Variants in CATSPERE observed in about 807,000 individuals in gnomAD.
CATSPERE encodes the protein cation channel sperm-associated auxiliary subunit epsilon.
CATSPERE carries 93 observed loss-of-function variants against 114.1 expected under a neutral mutation model. The ratio of observed to expected loss-of-function variants is 0.81; its 90% confidence interval spans 0.69 to 0.97. The LOEUF (loss-of-function observed/expected upper bound fraction) is 0.97. Ranked by LOEUF, CATSPERE falls within the 50% of genes least tolerant of loss-of-function variation. The pLI, the probability that CATSPERE is intolerant of heterozygous loss-of-function variation, is 0.00. For synonymous variants in CATSPERE, 341 were observed against 384.1 expected, an observed-to-expected ratio of 0.89 and a Z score of 1.31; for missense variants, 1,058 against 1,131.6, an observed-to-expected ratio of 0.93 and a Z score of 0.93.
In CATSPERE at chr1:244,633,061, A is replaced by G. The variant is rs76921591; in HGVS notation, c.2649-2428A>G. Among the ~76,000 whole-genome samples the G allele has an allele frequency of 0.011, 1,600 of 152,356 alleles. 37 individuals are homozygous for G. Among genetic ancestry groups the G allele is most frequent in the African/African-American group, 0.036 (1,513 of 41,580 alleles). On this transcript the variant is annotated intron_variant, in intron 20 of 21. Transcript: ENST00000366534. The surrounding 1 kb of genome is among the most constrained non-coding windows in gnomAD (Gnocchi z 4.1). Reference sequence around the variant, plus strand: ...AAAGAGACACATTACATAATGATAAAGAAGGTGTAATAATCCTAAATGTGG... The same window carrying G: ...AAAGAGACACATTACATAATGATAAGGAAGGTGTAATAATCCTAAATGTGG...
At chr1:244,538,199 G>A (rs1680663888) in intron 8 of CATSPERE, among the ~76,000 whole-genome samples, 1 of 152,130 alleles carries the variant, frequency 6.6e-6, no homozygotes, top group African/African-American at 2.4e-5. Context: ...AAGTTACACG[G>A]CTTATTGAAA....
intron 9 of CATSPERE, 47 bp from the exon 10 acceptor site, chr1:244,560,621 G>A (rs200006148): frequency 2.2e-5 from 24 of 1,071,742 alleles, no homozygotes; most frequent in East Asian, 5.7e-5. Context: ...TGTTAGGCCC[G>A]TCTCTAAAAT....
At chr1:244,582,682 A>G (rs547902604) in intron 12 of CATSPERE, among the ~76,000 whole-genome samples, 46 of 152,238 alleles carry the variant, frequency 3.0e-4, no homozygotes, top group Admixed American at 7.2e-4. Context: ...GATTACAGGC[A>G]TGAGCCACTG....
chr1:244,613,426 G>A (rs894768251), intron 19 of CATSPERE, among the ~76,000 whole-genome samples: 2 of 152,104 alleles, frequency 1.3e-5, no homozygotes, highest in Admixed American at 6.5e-5. Flanking sequence ...GAAAAACAAC[G>A]TCAGAGTTTA....
chr1:244,561,587 G>A (rs1478587304), intron 10 of CATSPERE, among the ~76,000 whole-genome samples: 3 of 152,092 alleles, frequency 2.0e-5, no homozygotes, highest in Non-Finnish European at 4.4e-5. Context: ...TCTGAAACCT[G>A]TAGAGGGAGG....
intron 17 of CATSPERE, among the ~76,000 whole-genome samples, chr1:244,604,276 A>G (rs774098144): frequency 9.9e-5 from 15 of 152,276 alleles, no homozygotes; most frequent in Non-Finnish European, 2.2e-4. Flanking sequence ...TGCCTGTTTG[A>G]GAACTAACCT....
intron 9 of CATSPERE, among the ~76,000 whole-genome samples, chr1:244,560,240 C>T (rs919867424): frequency 3.3e-5 from 5 of 152,266 alleles, no homozygotes; most frequent in Non-Finnish European, 5.9e-5. Flanking sequence ...ATTCTCCTGC[C>T]TCAGCCTCCC....
chr1:244,640,190 T>TAGA lies in CATSPERE; in HGVS notation c.*111_*112insAAG. 1.2e-6 allele frequency: 1 copy of TAGA among 818,246 alleles called. No individual in the cohort carries two copies. Among genetic ancestry groups the TAGA allele is most frequent in the Non-Finnish European group, 1.8e-6 (1 of 542,692 alleles). The allele number at this position is 818,246 out of a possible 1,614,324, so 50.7% of individuals were successfully genotyped here. A position where few individuals can be genotyped will look rare whatever the true frequency, so the allele number is the denominator to read the frequency against. ...CCAAGAAATACTAAATATAAGCTCG[T>TAGA]AGTAGGCATCACCAAATTCAAGATC... On this transcript the variant is annotated 3_prime_UTR_variant, in exon 22 of 22. Coordinates refer to ENST00000366534, the MANE Select transcript of CATSPERE (RefSeq NM_001130957.2).
At chr1:244,615,510 C>T (rs1409561038) in intron 19 of CATSPERE, among the ~76,000 whole-genome samples, 3 of 151,132 alleles carry the variant, frequency 2.0e-5, no homozygotes, top group Non-Finnish European at 2.9e-5. Context: ...GATAACTAGG[C>T]GATATGATAG....
upstream of CATSPERE, chr1:244,451,830 G>C: frequency 6.4e-7 from 1 of 1,569,100 alleles, no homozygotes; most frequent in Non-Finnish European, 8.6e-7. The surrounding 1 kb of genome is among the most constrained non-coding windows in gnomAD (Gnocchi z 6.6). Context: ...CTCCAGTGAC[G>C]CGAGGAGAGC....
chr1:244,487,483 TA>T (rs974749065), intron 5 of CATSPERE, among the ~76,000 whole-genome samples: 1 of 151,864 alleles, frequency 6.6e-6, no homozygotes, highest in Non-Finnish European at 1.5e-5. Context: ...ATACCTGGAT[TA>T]GGGGGAGGCA....
chr1:244,472,553 C>T (rs573495701), intron 2 of CATSPERE, among the ~76,000 whole-genome samples: 6 of 152,272 alleles, frequency 3.9e-5, no homozygotes, highest in African/African-American at 1.2e-4. Flanking sequence ...AAAACCTCCC[C>T]AGTTTGCCCT....
chr1:244,462,379 A>T (rs1375146032), intron 1 of CATSPERE, among the ~76,000 whole-genome samples: 1 of 152,060 alleles, frequency 6.6e-6, no homozygotes, highest in East Asian at 1.9e-4. Context: ...CTAAATTAAT[A>T]AATTAAACGT....
chr1:244,514,746 A>G lies in CATSPERE; in HGVS notation c.430-3846A>G, dbSNP rs3006038. 5.5e-3 allele frequency among the ~76,000 whole-genome samples: 834 copies of G among 150,526 alleles called. 11 individuals carry two copies. The highest frequency in any genetic ancestry group is 0.019 in the African/African-American group (789 of 40,972). On this transcript the variant is annotated intron_variant, in intron 7 of 21. Transcript: ENST00000366534. ...CAGGGGGCTGAGGCAGGAGAATGGC[A>G]TGAACCCGGGAGGTGGAGCTTGCAG...
At position 244,605,790 on chromosome 1, in the gene CATSPERE, C is replaced by T. The variant is rs1402993629; in HGVS notation, c.2399C>T (p.Ala800Val). 5 of 1,601,358 alleles carry T rather than the reference C, an allele frequency of 3.1e-6. No individual in the cohort carries two copies. The highest frequency in any genetic ancestry group is 4.3e-6 in the Non-Finnish European group (5 of 1,169,918). Residue 800 changes from alanine (A) to valine (V), a missense_variant, in exon 18 of 22, where the codon GCA becomes GTA. Transcript: ENST00000366534. Reference sequence around the variant, plus strand: ...GACTATAGCTTTAATAATACTATGGCACAGGTATGGCATCTTTGGATTTAA... The same window carrying T: ...GACTATAGCTTTAATAATACTATGGTACAGGTATGGCATCTTTGGATTTAA... ...RDDYSFNNTM[A>V]QSGCLHEAQT...
intron 6 of CATSPERE, among the ~76,000 whole-genome samples, chr1:244,495,278 A>T (rs906001747): frequency 4.6e-5 from 7 of 152,200 alleles, no homozygotes; most frequent in African/African-American, 1.7e-4. Context: ...ATACAAATGA[A>T]TATTATTCCT....
chr1:244,639,452 G>A (rs1022278946), intron 21 of CATSPERE, among the ~76,000 whole-genome samples: 14 of 152,218 alleles, frequency 9.2e-5, no homozygotes, highest in Non-Finnish European at 2.1e-4. Flanking sequence ...CACTTTGGGA[G>A]GCCAAGGCCG....
At chr1:244,521,365 A>G (rs7520198) in intron 8 of CATSPERE, among the ~76,000 whole-genome samples, 18,488 of 152,116 alleles carry the variant, frequency 0.12, 1,890 homozygotes, top group African/African-American at 0.28. Context: ...AAATACATAA[A>G]TAAATAAATC....
intron 18 of CATSPERE, among the ~76,000 whole-genome samples, chr1:244,608,303 C>T (rs941714563): frequency 2.0e-5 from 3 of 151,918 alleles, no homozygotes; most frequent in East Asian, 1.9e-4. Flanking sequence ...GAGGTTGAAG[C>T]GGGATGATCG....
Sources: gnomAD v4.1 joint callset for allele counts (sites outside exome capture counted in the v4.1 genomes callset) on GRCh38, gnomAD v4.1.1 for gene constraint, Gnocchi (gnomAD v3.1) non-coding constraint, MANE v1.5 for transcripts, NCBI Gene and HGNC (gene_info 2026-07-23, HGNC 2026-07-21) for gene names.